CASS4: variants seen among roughly 807,000 people sequenced by gnomAD.
CASS4 encodes Cas scaffold protein family member 4.
Under a neutral mutation model 54.2 loss-of-function variants are expected in CASS4, and 22 were observed. The observed-to-expected ratio is 0.41, with a 90% CI of 0.29 to 0.58. The LOEUF is 0.58. Ranked by LOEUF, CASS4 falls within the 20% of genes least tolerant of loss-of-function variation. The pLI, the probability that CASS4 is intolerant of heterozygous loss-of-function variation, is 0.36. For synonymous variants in CASS4, 409 were observed against 391.5 expected (o/e 1.04, Z -0.53); for missense variants, 854 against 986.7 (o/e 0.87, Z 1.80).
At position 56,458,438 on chromosome 20, in the gene CASS4, C is replaced by G; in HGVS notation, c.2052C>G (p.Phe684Leu). ...EHCRLYFGAL[F>L]KAISAFHGSL... is the part of the protein sequence containing the mutation. ...GCCGGCTCTACTTTGGGGCGCTCTTCAAAGCCATCAGCGCATTTCACGGCA... is the reference window on the plus strand; with the variant it reads ...GCCGGCTCTACTTTGGGGCGCTCTTGAAAGCCATCAGCGCATTTCACGGCA... The change falls in exon 6 of 6, where the codon TTC becomes TTG. Residue 684 changes from phenylalanine to leucine, a missense_variant. Coordinates refer to ENST00000679887, the MANE Select transcript of CASS4 (RefSeq NM_020356.4). 1 of 1,614,188 alleles carries G rather than the reference C, an allele frequency of 6.2e-7. No homozygotes were observed. Among genetic ancestry groups the G allele is most frequent in the Non-Finnish European group, 8.5e-7 (1 of 1,180,044 alleles).
At chr20:56,455,133 T>TA (rs11383849) in intron 5 of CASS4, among the ~76,000 whole-genome samples, 60,535 of 149,618 alleles carry the variant, frequency 0.4, 13,224 homozygotes, top group East Asian at 0.92. Context: ...CTTCCTTTTT[T>TA]AAAAAAAAAA....
Position 56,458,782 on chromosome 20 carries a change from C to T in CASS4, c.*35C>T, listed in dbSNP as rs1981455022. 6.5e-7 allele frequency: 1 copy of T among 1,533,258 alleles called. No individual in the cohort carries two copies. The allele number at this position is 1,533,258 out of a possible 1,614,324, so 95.0% of individuals were successfully genotyped here. ...ACCTCCCTTCCTCCTCTGCTCACCT[C>T]TCAGCTTCACACCCACAACTTGTGC... On this transcript the variant is annotated 3_prime_UTR_variant, in exon 6 of 6. Coordinates refer to ENST00000679887, the MANE Select transcript of CASS4 (RefSeq NM_020356.4).
At chr20:56,431,786 T>A (rs1255428751) in intron 1 of CASS4, among the ~76,000 whole-genome samples, 1 of 152,244 alleles carries the variant, frequency 6.6e-6, no homozygotes, top group African/African-American at 2.4e-5. Flanking sequence ...ACTATCTTAT[T>A]TCTAGACAAA....
intron 1 of CASS4, among the ~76,000 whole-genome samples, chr20:56,436,194 CA>C (rs1980150726): frequency 6.6e-6 from 1 of 151,932 alleles, no homozygotes; most frequent in African/African-American, 2.4e-5. Context: ...AGGAAAATAG[CA>C]AAAACCAGAC....
At chr20:56,440,625 A>G (rs1349633056) in intron 2 of CASS4, among the ~76,000 whole-genome samples, 1 of 152,260 alleles carries the variant, frequency 6.6e-6, no homozygotes, top group Non-Finnish European at 1.5e-5. Context: ...CAAGGTTTCA[A>G]AAACATGGAG....
chr20:56,420,911 G>A (rs1410480016), intron 1 of CASS4, among the ~76,000 whole-genome samples: 1 of 152,204 alleles, frequency 6.6e-6, no homozygotes, highest in Admixed American at 6.5e-5. Flanking sequence ...GGGTTTATGT[G>A]TAGTCCATTA....
intron 5 of CASS4, among the ~76,000 whole-genome samples, chr20:56,454,525 G>A (rs1981192849): frequency 6.6e-6 from 1 of 152,198 alleles, no homozygotes; most frequent in African/African-American, 2.4e-5. Flanking sequence ...CTTTGGTTGA[G>A]AAAAGGAATC....
intron 1 of CASS4, among the ~76,000 whole-genome samples, chr20:56,421,844 G>A (rs967690191): frequency 6.6e-6 from 1 of 152,046 alleles, no homozygotes; most frequent in Admixed American, 6.6e-5. Flanking sequence ...AAAGAAAAAA[G>A]GAAAGAGGGA....
chr20:56,417,514 C>A (rs1490387988), intron 1 of CASS4, among the ~76,000 whole-genome samples: 3 of 152,254 alleles, frequency 2.0e-5, no homozygotes, highest in Non-Finnish European at 2.9e-5. Context: ...CTGAAATTAT[C>A]TCACTTTGTT....
intron 3 of CASS4, among the ~76,000 whole-genome samples, chr20:56,446,600 T>C (rs1296761260): frequency 6.6e-6 from 1 of 152,190 alleles, no homozygotes; most frequent in South Asian, 2.1e-4. Context: ...ACATGCTTCA[T>C]GTGATCAAAA....
chr20:56,436,744 C>T (rs1236190984), intron 1 of CASS4, among the ~76,000 whole-genome samples: 6 of 151,952 alleles, frequency 3.9e-5, no homozygotes, highest in Non-Finnish European at 7.4e-5. Flanking sequence ...AAATTTAGCC[C>T]GGGGTGGCGG....
chr20:56,454,838 C>A (rs1380418429), intron 5 of CASS4, among the ~76,000 whole-genome samples: 1 of 152,206 alleles, frequency 6.6e-6, no homozygotes, highest in Non-Finnish European at 1.5e-5. Flanking sequence ...AGCCATGACC[C>A]ACATGGGCGA....
intron 5 of CASS4, among the ~76,000 whole-genome samples, chr20:56,454,284 A>G (rs1981182030): frequency 6.6e-6 from 1 of 152,210 alleles, no homozygotes; most frequent in South Asian, 2.1e-4. Context: ...TGTGAGCCTT[A>G]AGAGGCCCAG....
intron 5 of CASS4, 40 bp downstream of exon 5, chr20:56,453,169 A>G (rs763434501): frequency 6.1e-6 from 9 of 1,466,280 alleles, no homozygotes; most frequent in East Asian, 4.8e-5. Context: ...AGGGGCTTCA[A>G]TTGTTACCTG....
intron 1 of CASS4, among the ~76,000 whole-genome samples, chr20:56,418,897 A>G (rs1004095330): frequency 1.3e-5 from 2 of 152,166 alleles, no homozygotes; most frequent in Non-Finnish European, 2.9e-5. Context: ...CATATGTAGT[A>G]AATAATTATT....
chr20:56,457,779 CT>C (rs1981368400), intron 5 of CASS4, among the ~76,000 whole-genome samples: 1 of 151,812 alleles, frequency 6.6e-6, no homozygotes, highest in Admixed American at 6.6e-5. Flanking sequence ...TTTAAGGAGG[CT>C]GAGGTGGGCA....
intron 3 of CASS4, among the ~76,000 whole-genome samples, chr20:56,446,824 T>C (rs1203685420): frequency 6.6e-6 from 1 of 152,146 alleles, no homozygotes; most frequent in Non-Finnish European, 1.5e-5. Context: ...CCTCAGGTGA[T>C]TGTACTGAGC....
At chr20:56,418,877 C>G (rs908375737) in intron 1 of CASS4, among the ~76,000 whole-genome samples, 1 of 152,122 alleles carries the variant, frequency 6.6e-6, no homozygotes, top group African/African-American at 2.4e-5. Context: ...AGTGCCTGGT[C>G]CCCTTTCTCC....
rs1981531719 is a variant in CASS4 at position 56,460,031 on chromosome 20, A to G, written c.*1284A>G. ...ATTGCATCCATTAGATAATAGAGTAAGTTTTTTGTTGTTTTGAATTGAATT... is the reference window on the plus strand; with the variant it reads ...ATTGCATCCATTAGATAATAGAGTAGGTTTTTTGTTGTTTTGAATTGAATT... On this transcript the variant is annotated 3_prime_UTR_variant, in exon 6 of 6. Coordinates refer to ENST00000679887, the MANE Select transcript of CASS4 (RefSeq NM_020356.4). 6.6e-6 allele frequency: 1 copy of G among 152,460 alleles called. No homozygotes were observed. Among genetic ancestry groups the G allele is most frequent in the South Asian group, 2.1e-4 (1 of 4,830 alleles). 9.4% of individuals were successfully genotyped at this position (152,460 alleles called of 1,614,324 possible).
Sources: allele counts gnomAD v4.1 joint callset (sites outside exome capture counted in the v4.1 genomes callset), GRCh38; gene constraint gnomAD v4.1.1; transcripts MANE v1.5; gene names NCBI Gene and HGNC (gene_info 2026-07-23, HGNC 2026-07-21).